Variants in PCDHGA3 observed in about 807,000 individuals in gnomAD.
PCDHGA3 encodes protocadherin gamma-A3.
PCDHGA3 carries 40 observed loss-of-function variants against 58.5 expected under a neutral mutation model. The observed-to-expected ratio is 0.68, with a 90% CI of 0.53 to 0.89. The LOEUF (loss-of-function observed/expected upper bound fraction) is 0.89, where lower values mean the gene tolerates loss of function less well. Ranked by LOEUF, PCDHGA3 falls within the 40% of genes least tolerant of loss-of-function variation. PCDHGA3 has a pLI of 0.00. For missense variants in PCDHGA3, 1,223 were observed against 1,195.9 expected, an observed-to-expected ratio of 1.02 and a Z score of -0.33; for synonymous variants, 530 against 525.7, an observed-to-expected ratio of 1.01 and a Z score of -0.11.
intron 1 of PCDHGA3, among the ~76,000 whole-genome samples, chr5:141,437,923 A>G (rs893873818): frequency 2.0e-5 from 3 of 152,110 alleles, no homozygotes; most frequent in African/African-American, 7.2e-5. Context: ...TTTTTAGTAG[A>G]GATGGGGTTT....
rs777058727 is a variant in PCDHGA3 at position 141,431,947 on chromosome 5, A to G, written c.2425-62860A>G. 6 of 1,614,052 alleles carry G rather than the reference A, an allele frequency of 3.7e-6. No homozygotes were observed. The highest frequency in any genetic ancestry group is 2.2e-5 in the East Asian group (1 of 44,894). ...GAAATCTGCCCTTTAAATTAGAAAAATCTTACGGAAATTACTATAGTTTAG... is the reference window on the plus strand; with the variant it reads ...GAAATCTGCCCTTTAAATTAGAAAAGTCTTACGGAAATTACTATAGTTTAG... On this transcript the variant is annotated intron_variant, in intron 1 of 3. Transcript: ENST00000253812. This position sits in a 1 kb window ranked among gnomAD's most constrained non-coding sequence, Gnocchi z 4.8.
intron 3 of PCDHGA3, among the ~76,000 whole-genome samples, chr5:141,506,146 T>C (rs1014881418): frequency 6.6e-6 from 1 of 152,086 alleles, no homozygotes; most frequent in African/African-American, 2.4e-5. Context: ...AAGAATATCA[T>C]TTGTCCTTAA....
intron 1 of PCDHGA3, chr5:141,399,681 C>A (rs2093865042): frequency 1.2e-6 from 2 of 1,613,408 alleles, no homozygotes; most frequent in Non-Finnish European, 1.7e-6. Flanking sequence ...CCTTTGACTA[C>A]GAGCAGCTGC....
At chr5:141,406,072 CTT>C (rs530474569) in intron 1 of PCDHGA3, among the ~76,000 whole-genome samples, 69 of 141,430 alleles carry the variant, frequency 4.9e-4, no homozygotes, top group African/African-American at 9.6e-4. Flanking sequence ...ATTCTTACTC[CTT>C]TTTTTTTTTT....
chr5:141,399,210 A>G, intron 1 of PCDHGA3: 2 of 1,613,974 alleles, frequency 1.2e-6, no homozygotes, highest in Non-Finnish European at 1.7e-6. Context: ...CTGGAACACT[A>G]ATTGCTTTGA....
intron 1 of PCDHGA3, chr5:141,478,473 A>G (rs2099458384): frequency 6.2e-7 from 1 of 1,613,742 alleles, no homozygotes; most frequent in African/African-American, 1.3e-5. Context: ...GCCAGCCGCC[A>G]GAACACGCTG....
Position 141,413,494 on chromosome 5 carries a change from G to T in PCDHGA3, c.2424+67037G>T, listed in dbSNP as rs778441176. On this transcript the variant is annotated intron_variant, in intron 1 of 3. Transcript: ENST00000253812. ...GCTCTGCGCTCAGAGCGCGCGGTGCGTGGTGAGTTTTAATATCCTTGTGGA... is the reference window on the plus strand; with the variant it reads ...GCTCTGCGCTCAGAGCGCGCGGTGCTTGGTGAGTTTTAATATCCTTGTGGA... The T allele has an allele frequency of 5.0e-6, 8 of 1,614,042 alleles. No individual in the cohort carries two copies. The East Asian group carries it at 1.3e-4, about 27-fold the overall frequency.
chr5:141,358,686 G>T (rs896155075), intron 1 of PCDHGA3, among the ~76,000 whole-genome samples: 1 of 152,120 alleles, frequency 6.6e-6, no homozygotes, highest in Non-Finnish European at 1.5e-5. Flanking sequence ...TGCTTATCAT[G>T]ACATCACTAT....
At chr5:141,375,107 G>A in intron 1 of PCDHGA3, 1 of 1,613,962 alleles carries the variant, frequency 6.2e-7, no homozygotes, top group South Asian at 1.1e-5. Flanking sequence ...GGATGTCAAT[G>A]ATAATGTACC....
chr5:141,399,893 C>G (rs2093913222), intron 1 of PCDHGA3: 2 of 1,612,566 alleles, frequency 1.2e-6, no homozygotes, highest in Non-Finnish European at 1.7e-6. Flanking sequence ...AAGGTAGTGG[C>G]CGTGGACGCA....
chr5:141,433,050 G>A, intron 1 of PCDHGA3: 2 of 1,614,142 alleles, frequency 1.2e-6, no homozygotes, highest in Non-Finnish European at 1.7e-6. Context: ...ACGGACTCGC[G>A]GAAGAGTCAC....
intron 1 of PCDHGA3, chr5:141,393,109 G>C (rs2092681202): frequency 1.2e-6 from 2 of 1,613,430 alleles, no homozygotes; most frequent in Non-Finnish European, 1.7e-6. Context: ...TGCGCTCAGA[G>C]CCCGCGGTGT....
chr5:141,376,553 G>T, intron 1 of PCDHGA3: 1 of 1,610,804 alleles, frequency 6.2e-7, no homozygotes, highest in Non-Finnish European at 8.5e-7. Flanking sequence ...TGATCTTCCC[G>T]CAACCCAACT....
At chr5:141,399,692 G>A (rs780007896) in intron 1 of PCDHGA3, 2 of 1,613,318 alleles carry the variant, frequency 1.2e-6, no homozygotes, top group Middle Eastern at 1.7e-4. Flanking sequence ...GAGCAGCTGC[G>A]CACCTTCGAA....
rs145463208 is a variant in PCDHGA3 at position 141,370,418 on chromosome 5, G to A, written c.2424+23961G>A. ...GGATGGGAAATAGCTCCGGATGGAG[G>A]GGCCCAGCAGGGCAGAGGCGAATGC... is the stretch of plus-strand genomic sequence containing the variant. On this transcript the variant is annotated intron_variant, in intron 1 of 3. Coordinates refer to ENST00000253812, the MANE Select transcript of PCDHGA3 (RefSeq NM_018916.4). 1.7e-5 allele frequency: 26 copies of A among 1,570,524 alleles called. 1 individual carries two copies. The Middle Eastern group carries it at 5.2e-4, about 31-fold the overall frequency.
At chr5:141,459,427 G>A (rs1489214494) in intron 1 of PCDHGA3, among the ~76,000 whole-genome samples, 2 of 152,228 alleles carry the variant, frequency 1.3e-5, no homozygotes, top group Non-Finnish European at 2.9e-5. Flanking sequence ...ATATCACAAT[G>A]TGTTCATTCA....
At chr5:141,398,392 A>AGG in intron 1 of PCDHGA3, 1 of 1,456,392 alleles carries the variant, frequency 6.9e-7, no homozygotes, top group Non-Finnish European at 9.5e-7. Flanking sequence ...TGTGAGCAGC[A>AGG]GGCTAGACAG....
intron 1 of PCDHGA3, chr5:141,419,128 A>T (rs1298102722): frequency 1.2e-6 from 2 of 1,613,768 alleles, no homozygotes; most frequent in East Asian, 2.2e-5. Flanking sequence ...TCACCATCGC[A>T]GCCACAGACA....
chr5:141,357,363 G>T (rs1169446996), intron 1 of PCDHGA3: 1 of 1,614,040 alleles, frequency 6.2e-7, no homozygotes, highest in African/African-American at 1.3e-5. Context: ...GCTGGCACAA[G>T]TCACGCCTGC....
Sources: gnomAD v4.1 joint callset for allele counts (sites outside exome capture counted in the v4.1 genomes callset) on GRCh38, gnomAD v4.1.1 for gene constraint, Gnocchi (gnomAD v3.1) non-coding constraint, MANE v1.5 for transcripts, NCBI Gene and HGNC (gene_info 2026-07-23, HGNC 2026-07-21) for gene names.